DPP6: variants seen among roughly 807,000 people sequenced by gnomAD.
DPP6 encodes the protein dipeptidyl peptidase like 6.
In DPP6, 69 loss-of-function variants were observed where a neutral mutation model predicts 122.6. That is an observed-to-expected ratio of 0.56 (90% CI 0.46 to 0.69). DPP6 has a LOEUF of 0.69. DPP6 is among the 30% of genes least tolerant of loss of function. The probability of loss-of-function intolerance (pLI) is 0.00; values close to 1 mark genes in which losing one functional copy is unlikely to be tolerated. For synonymous variants in DPP6, 418 were observed against 433.1 expected (o/e 0.97, Z 0.43); for missense variants, 928 against 1,116.9 (o/e 0.83, Z 2.41).
At chr7:154,209,788 T>C (rs1799642989) in intron 1 of DPP6, among the ~76,000 whole-genome samples, 1 of 152,208 alleles carries the variant, frequency 6.6e-6, no homozygotes, top group Non-Finnish European at 1.5e-5. Flanking sequence ...TTGCTAATAC[T>C]TGCCATCGGT....
chr7:153,932,125 T>C (rs1410094153), intron 1 of DPP6, among the ~76,000 whole-genome samples: 2 of 59,778 alleles, frequency 3.3e-5, no homozygotes, highest in Admixed American at 1.8e-4. Flanking sequence ...TTTTGTGCCT[T>C]TTTTTTTTTT....
chr7:153,765,859 T>C, the DPP6 span, among the ~76,000 whole-genome samples: 1 of 152,204 alleles, frequency 6.6e-6, no homozygotes, highest in African/African-American at 2.4e-5. Flanking sequence ...CTTATCCTTT[T>C]CACAATAAAA....
chr7:154,320,782 G>A (rs532633341), intron 1 of DPP6, among the ~76,000 whole-genome samples: 43 of 152,218 alleles, frequency 2.8e-4, no homozygotes, highest in African/African-American at 1.0e-3. Context: ...CACTGTGCCC[G>A]GCCCCTATTG....
chr7:154,873,822 A>ATG (rs1804594051), intron 19 of DPP6, among the ~76,000 whole-genome samples: 2 of 113,688 alleles, frequency 1.8e-5, no homozygotes, highest in Admixed American at 8.4e-5. Context: ...ACATGCACAC[A>ATG]CGCATACATA....
intron 1 of DPP6, among the ~76,000 whole-genome samples, chr7:154,235,325 A>G (rs957022527): frequency 1.1e-4 from 16 of 152,204 alleles, no homozygotes; most frequent in Admixed American, 2.6e-4. Context: ...TTCAAGGCTC[A>G]TCCAGGTGGT....
At position 154,052,788 on chromosome 7, in the gene DPP6, C is replaced by T; in HGVS notation, c.-33C>T. Reference sequence around the variant, plus strand: ...GGAGAGAAAGCAAAATATTAAAAAGCCCCAAAGACAGCCAGCAGGAGCGCG... The same window carrying T: ...GGAGAGAAAGCAAAATATTAAAAAGTCCCAAAGACAGCCAGCAGGAGCGCG... On this transcript the variant is annotated 5_prime_UTR_variant, in exon 1 of 26. Coordinates refer to ENST00000377770, the MANE Select transcript of DPP6 (RefSeq NM_130797.4). The surrounding 1 kb of genome is among the most constrained non-coding windows in gnomAD (Gnocchi z 4.8). The T allele has an allele frequency of 6.8e-7, 1 of 1,476,434 alleles. No individual in the cohort carries two copies. The highest frequency in any genetic ancestry group is 9.0e-7 in the Non-Finnish European group (1 of 1,107,470). The allele number at this position is 1,476,434 out of a possible 1,614,324, so 91.5% of individuals were successfully genotyped here.
intron 1 of DPP6, among the ~76,000 whole-genome samples, chr7:154,392,500 G>T (rs543136621): frequency 2.3e-4 from 35 of 152,198 alleles, no homozygotes; most frequent in African/African-American, 8.2e-4. Context: ...CTCTGAGACC[G>T]GTGTTCAGTG....
intron 1 of DPP6, among the ~76,000 whole-genome samples, chr7:154,225,672 A>G (rs1035758216): frequency 6.6e-6 from 1 of 152,180 alleles, no homozygotes; most frequent in East Asian, 1.9e-4. Flanking sequence ...ACACTTGTGT[A>G]GGGAATGTTT....
chr7:154,015,552 G>A (rs1217044760), intron 1 of DPP6, among the ~76,000 whole-genome samples: 2 of 152,010 alleles, frequency 1.3e-5, no homozygotes, highest in African/African-American at 4.8e-5. Context: ...CATGGCCATC[G>A]CTCCTCCACC....
At chr7:154,573,452 C>T (rs1831258615) in intron 5 of DPP6, among the ~76,000 whole-genome samples, 1 of 152,182 alleles carries the variant, frequency 6.6e-6, no homozygotes, top group Non-Finnish European at 1.5e-5. Flanking sequence ...ACAGCCTGTC[C>T]ACCACCCACT....
intron 3 of DPP6, among the ~76,000 whole-genome samples, chr7:154,480,141 T>C (rs892046872): frequency 1.3e-5 from 2 of 151,646 alleles, no homozygotes; most frequent in African/African-American, 4.8e-5. Flanking sequence ...CTCCCCTAAA[T>C]TTTTGTTCTG....
chr7:154,861,955 C>T (rs1212246550), intron 17 of DPP6, among the ~76,000 whole-genome samples: 1 of 152,164 alleles, frequency 6.6e-6, no homozygotes, highest in Non-Finnish European at 1.5e-5. Flanking sequence ...TATGCCAAAA[C>T]ATTGTGGCCC....
chr7:153,909,884 T>C (rs1800006274), intron 1 of DPP6, among the ~76,000 whole-genome samples: 1 of 152,088 alleles, frequency 6.6e-6, no homozygotes, highest in Non-Finnish European at 1.5e-5. Flanking sequence ...GGAGAGGATA[T>C]TGGAGCTGAC....
chr7:153,825,620 C>T, the DPP6 span, among the ~76,000 whole-genome samples: 2 of 152,136 alleles, frequency 1.3e-5, no homozygotes, highest in African/African-American at 4.8e-5. Flanking sequence ...AGTGCAGAGG[C>T]ATGATTTCAG....
At chr7:154,826,343 T>C (rs1800140941) in intron 16 of DPP6, among the ~76,000 whole-genome samples, 1 of 152,234 alleles carries the variant, frequency 6.6e-6, no homozygotes, top group Non-Finnish European at 1.5e-5. Context: ...CAATATCCCA[T>C]ATTAAAAATG....
chr7:153,766,734 C>G, the DPP6 span, among the ~76,000 whole-genome samples: 2 of 151,918 alleles, frequency 1.3e-5, no homozygotes, highest in East Asian at 3.9e-4. Context: ...TAGAGGCAAC[C>G]TCGCTAGAAT....
At chr7:154,575,353 G>T (rs1229441517) in intron 5 of DPP6, among the ~76,000 whole-genome samples, 1 of 62,128 alleles carries the variant, frequency 1.6e-5, no homozygotes, top group Non-Finnish European at 3.2e-5. Context: ...ATGTGTGTGT[G>T]GTGTGTGTGT....
intron 5 of DPP6, among the ~76,000 whole-genome samples, chr7:154,577,731 A>G (rs1055181246): frequency 6.6e-6 from 1 of 152,208 alleles, no homozygotes; most frequent in African/African-American, 2.4e-5. Flanking sequence ...ATTGTAATGT[A>G]GTGAGGGGAG....
chr7:154,693,908 C>G (rs1840070650), intron 7 of DPP6, among the ~76,000 whole-genome samples: 1 of 152,194 alleles, frequency 6.6e-6, no homozygotes, highest in Non-Finnish European at 1.5e-5. Context: ...GTAATAGATG[C>G]ATGCATACAT....
Sources: gnomAD v4.1 joint callset for allele counts (sites outside exome capture counted in the v4.1 genomes callset) on GRCh38, gnomAD v4.1.1 for gene constraint, Gnocchi (gnomAD v3.1) non-coding constraint, MANE v1.5 for transcripts, NCBI Gene and HGNC (gene_info 2026-07-23, HGNC 2026-07-21) for gene names.